Variants in KLHL34 observed in about 807,000 individuals in gnomAD.
KLHL34 encodes kelch like family member 34, also known as kelch-like protein 34.
Under a neutral mutation model 23.8 loss-of-function variants are expected in KLHL34, and 24 were observed. The observed-to-expected ratio is 1.01, with a 90% CI of 0.73 to 1.42. KLHL34 has a LOEUF of 1.42. Among genes scored for constraint, KLHL34 ranks in the 40% most tolerant of loss-of-function variants. KLHL34 has a pLI of 0.00. For missense variants in KLHL34, 652 were observed against 595.1 expected (o/e 1.10, Z -0.99); for synonymous variants, 303 against 287.9 (o/e 1.05, Z -0.53).
Position 21,656,335 on chromosome X carries a change from C to G in KLHL34, c.1454G>C (p.Arg485Thr). The G allele has an allele frequency of 9.2e-6, 11 of 1,193,321 alleles. No homozygotes were observed. The highest frequency in any genetic ancestry group is 1.2e-5 in the Non-Finnish European group (11 of 887,270). ...GAGGCTGCTCGCTCCGCCCTCGCCT[C>G]TCCCTGCCTTGCCCCCCGAGATGTA... ...VVYISGGKAG[R>T]GEGGASSLRD... Residue 485 changes from arginine to threonine, a missense_variant, in exon 1 of 1, where the codon AGA (arginine) becomes ACA (threonine). Arg to Thr is a moderately conservative substitution (Grantham distance 71, BLOSUM62 -1). Transcript: ENST00000379499.
Position 21,655,556 on chromosome X carries a change from C to A in KLHL34, c.*298G>T. 5.7e-6 allele frequency: 1 copy of A among 175,589 alleles called. No individual in the cohort carries two copies. Among genetic ancestry groups the A allele is most frequent in the East Asian group, 1.0e-4 (1 of 10,001 alleles). 14.5% of individuals were successfully genotyped at this position (175,589 alleles called of 1,213,427 possible). A position where few individuals can be genotyped will look rare whatever the true frequency, so the allele number is the denominator to read the frequency against. On this transcript the variant is annotated 3_prime_UTR_variant, in exon 1 of 1. Transcript: ENST00000379499. The stretch of plus-strand genomic sequence containing the variant: ...TTAACTGTAAGAGGGAAAATAAGGT[C>A]ATATTTTATTTGTGAAAGTCCTTCT...
Position 21,655,836 on chromosome X carries a change from G to T in KLHL34, c.*18C>A. On this transcript the variant is annotated 3_prime_UTR_variant, in exon 1 of 1. Coordinates refer to ENST00000379499, the MANE Select transcript of KLHL34 (RefSeq NM_153270.3). ...GCGACTTTCTCCTCCATTGCGGAAG[G>T]AAACCGGACTGACCCATTCAGCCCA... The T allele has an allele frequency of 8.7e-7, 1 of 1,147,418 alleles. No individual in the cohort carries two copies. 94.6% of individuals were successfully genotyped at this position (1,147,418 alleles called of 1,213,427 possible).
At position 21,655,535 on chromosome X, in the gene KLHL34, C is replaced by A. The variant is rs2092730622; in HGVS notation, c.*319G>T. On this transcript the variant is annotated 3_prime_UTR_variant, in exon 1 of 1. Transcript: ENST00000379499. The stretch of plus-strand genomic sequence containing the variant: ...TTTTGCACCTAGGGAAACACTTTAA[C>A]TGTAAGAGGGAAAATAAGGTCATAT... 2.8e-5 allele frequency: 3 copies of A among 107,744 alleles called. No homozygotes were observed. Among genetic ancestry groups the A allele is most frequent in the African/African-American group, 4.1e-5 (1 of 24,298 alleles). The allele number at this position is 107,744 out of a possible 1,213,427, so 8.9% of individuals were successfully genotyped here.
In KLHL34 at chrX:21,657,687, C is replaced by CT. The variant is rs1363196449; in HGVS notation, c.101dup (p.Thr35AspfsTer18). 1 of 1,206,166 alleles carries CT rather than the reference C, an allele frequency of 8.3e-7. No individual in the cohort carries two copies. The highest frequency in any genetic ancestry group is 2.2e-5 in the Admixed American group (1 of 46,046). The stretch of plus-strand genomic sequence containing the variant: ...GCGCCGGGAATTCGCTGCCCTCGGT[C>CT]TCCAGTGTCACGTCGCACAGGAAGC... On this transcript the variant is annotated frameshift_variant, in exon 1 of 1. Coordinates refer to ENST00000379499, the MANE Select transcript of KLHL34 (RefSeq NM_153270.3). LOFTEE classifies it high-confidence loss of function.
rs766284824 is a variant in KLHL34 at position 21,657,449 on chromosome X, C to A, written c.340G>T (p.Ala114Ser). 1 of 1,204,444 alleles carries A rather than the reference C, an allele frequency of 8.3e-7. No individual in the cohort carries two copies. Among genetic ancestry groups the A allele is most frequent in the African/African-American group, 1.7e-5 (1 of 57,492 alleles). The stretch of plus-strand genomic sequence containing the variant: ...AAGTAGCGCCCACAGAGCCCCAGGG[C>A]CTCAGTGACCTGCAGGTAGCTGGCG... ...EAASYLQVTE[A>S]LGLCGRYLER... Residue 114 changes from alanine to serine, a missense_variant, in exon 1 of 1, where the codon GCC becomes TCC. Coordinates refer to ENST00000379499, the MANE Select transcript of KLHL34 (RefSeq NM_153270.3).
rs1030757936 is a variant in KLHL34, at chrX:21,657,120, G to A, written c.669C>T (p.Val223=). ...CGTCGGCGGGAACCAGGCCAAAGCGGACACGCTCCAGCAACTCTGTACAGT... is the reference window on the plus strand; with the variant it reads ...CGTCGGCGGGAACCAGGCCAAAGCGAACACGCTCCAGCAACTCTGTACAGT... ...LAHCTELLER[V]RFGLVPADVL... Residue 223 remains valine, a synonymous_variant, in exon 1 of 1, where the codon GTC becomes GTT. Transcript: ENST00000379499. 1.7e-6 allele frequency: 2 copies of A among 1,206,920 alleles called. No individual in the cohort carries two copies. The highest frequency in any genetic ancestry group is 1.1e-6 in the Non-Finnish European group (1 of 894,303).
Position 21,656,485 on chromosome X carries a change from G to A in KLHL34, c.1304C>T (p.Ala435Val), listed in dbSNP as rs201941009. 329 of 1,195,124 alleles carry A rather than the reference G, an allele frequency of 2.8e-4. 1 individual carries two copies. In the African/African-American group the frequency reaches 5.4e-3, roughly 20 times the overall value. ...ERLLAVGGLG[A>V]GGEVLASVEM... ...CACCGAGGCCAGCACCTCACCGCCCGCACCCAGGCCCCCGACGGCCAGGAG... is the reference window on the plus strand; with the variant it reads ...CACCGAGGCCAGCACCTCACCGCCCACACCCAGGCCCCCGACGGCCAGGAG... Residue 435 changes from alanine (A) to valine (V), a missense_variant, in exon 1 of 1, where the codon GCG becomes GTG. Coordinates refer to ENST00000379499, the MANE Select transcript of KLHL34 (RefSeq NM_153270.3).
At position 21,655,902 on chromosome X, in the gene KLHL34, G is replaced by A. The variant is rs142552568; in HGVS notation, c.1887C>T (p.Asp629=). Residue 629 remains aspartate, a synonymous_variant, in exon 1 of 1, where the codon GAC becomes GAT. Transcript: ENST00000379499. ...AVLQLAEGGD[D]EREGEVGEAL... is the part of the protein sequence containing the mutation. ...CCTCTCCAACCTCTCCCTCCCTCTC[G>A]TCGTCCCCACCCTCGGCCAGCTGCA... The A allele has an allele frequency of 1.1e-3, 1,359 of 1,203,897 alleles. 2 individuals are homozygous for A. The highest frequency in any genetic ancestry group is 1.3e-3 in the Non-Finnish European group (1,132 of 891,779).
At position 21,655,404 on chromosome X, in the gene KLHL34, T is replaced by G. The variant is rs2147352573; in HGVS notation, c.*450A>C. ...ATAATGCCATCTCCTAGGACTTAAT[T>G]ACAGCCTTTATAGCCAACAATTTTC... On this transcript the variant is annotated 3_prime_UTR_variant, in exon 1 of 1. Transcript: ENST00000379499. 1 of 114,036 alleles carries G rather than the reference T, an allele frequency of 8.8e-6. No individual in the cohort carries two copies. The highest frequency in any genetic ancestry group is 3.9e-4 in the South Asian group (1 of 2,542). 9.4% of individuals were successfully genotyped at this position (114,036 alleles called of 1,213,427 possible).
At position 21,657,567 on chromosome X, in the gene KLHL34, C is replaced by T. The variant is rs1438185885; in HGVS notation, c.222G>A (p.Val74=). The T allele has an allele frequency of 8.3e-7, 1 of 1,211,306 alleles. No individual in the cohort carries two copies. The highest frequency in any genetic ancestry group is 3.0e-5 in the East Asian group (1 of 33,828). The change falls in exon 1 of 1, where the codon GTG becomes GTA. Residue 74 remains valine (V), a synonymous_variant. Transcript: ENST00000379499. ...ESRARVIHLH[V]PSAAGLQRLL... is the part of the protein sequence containing the mutation. Reference sequence around the variant, plus strand: ...GGCGCTGCAGGCCGGCTGCCGATGGCACGTGCAGGTGGATCACGCGCGCCC... The same window carrying T: ...GGCGCTGCAGGCCGGCTGCCGATGGTACGTGCAGGTGGATCACGCGCGCCC...
Position 21,657,380 on chromosome X carries a change from C to G in KLHL34, c.409G>C (p.Val137Leu). The G allele has an allele frequency of 1.7e-6, 2 of 1,167,907 alleles. No homozygotes were observed. Among genetic ancestry groups the G allele is most frequent in the Non-Finnish European group, 2.3e-6 (2 of 872,914 alleles). ...APENCCFAANVAARFGLAHTL... is the reference protein window; with the variant it reads ...APENCCFAANLAARFGLAHTL... ...TGAGCCAGGCCAAAGCGCGCTGCCA[C>G]GTTGGCGGCGAAGCAGCAGTTCTCT... The change falls in exon 1 of 1, where the codon GTG becomes CTG. Residue 137 changes from valine (V) to leucine (L), a missense_variant. Transcript: ENST00000379499.
chrX:21,655,755 C>T lies in KLHL34; in HGVS notation c.*99G>A. On this transcript the variant is annotated 3_prime_UTR_variant, in exon 1 of 1. Transcript: ENST00000379499. ...GTTAACCTTCAGAAGCCACTCTGCT[C>T]CCAGAATCCCTTTCTTAGAAAAAGC... 9.3e-7 allele frequency: 1 copy of T among 1,076,023 alleles called. No homozygotes were observed. The highest frequency in any genetic ancestry group is 1.2e-6 in the Non-Finnish European group (1 of 828,574). The allele number at this position is 1,076,023 out of a possible 1,213,427, so 88.7% of individuals were successfully genotyped here.
rs2092734106 is a variant in KLHL34 at position 21,656,962 on chromosome X, C to T, written c.827G>A (p.Arg276Gln). ...CAACAAGATGCGGGTCTGGGGGCTC[C>T]GGATGCTGGTCTGCTCGCCCTGCAT... ...PLMQGEQTSIRSPQTRILLVG... is the reference protein window; with the variant it reads ...PLMQGEQTSIQSPQTRILLVG... Residue 276 changes from arginine (R) to glutamine (Q), a missense_variant, in exon 1 of 1, where the codon CGG (arginine) becomes CAG (glutamine). By Grantham distance (43) the Arg-to-Gln change is conservative (BLOSUM62 1). Transcript: ENST00000379499. 2 of 1,158,714 alleles carry T rather than the reference C, an allele frequency of 1.7e-6. No individual in the cohort carries two copies. The highest frequency in any genetic ancestry group is 4.1e-5 in the South Asian group (2 of 49,089).
chrX:21,657,140 TAC>T lies in KLHL34; in HGVS notation c.647_648del (p.Cys216TyrfsTer80). The T allele has an allele frequency of 8.3e-7, 1 of 1,206,399 alleles. No individual in the cohort carries two copies. ...QEPTTERLAH[C>X]TELLERVRFG... ...AAGCGGACACGCTCCAGCAACTCTG[TAC>T]AGTGTGCCAGGCGCTCAGTTGTGGG... On this transcript the variant is annotated frameshift_variant, in exon 1 of 1. Coordinates refer to ENST00000379499, the MANE Select transcript of KLHL34 (RefSeq NM_153270.3). LOFTEE classifies it high-confidence loss of function.
chrX:21,656,330 C>G lies in KLHL34; in HGVS notation c.1459G>C (p.Glu487Gln), dbSNP rs1304898748. 7 of 1,192,881 alleles carry G rather than the reference C, an allele frequency of 5.9e-6. No individual in the cohort carries two copies. The highest frequency in any genetic ancestry group is 1.1e-6 in the Non-Finnish European group (1 of 886,938). The change falls in exon 1 of 1, where the codon GAG becomes CAG. Residue 487 changes from glutamate (E) to glutamine (Q), a missense_variant. Glu to Gln is a conservative substitution (Grantham distance 29). Coordinates refer to ENST00000379499, the MANE Select transcript of KLHL34 (RefSeq NM_153270.3). The part of the protein sequence containing the change: ...YISGGKAGRG[E>Q]GGASSLRDLY... The stretch of plus-strand genomic sequence containing the variant: ...TCCCGGAGGCTGCTCGCTCCGCCCT[C>G]GCCTCTCCCTGCCTTGCCCCCCGAG...
rs777172787 is a variant in KLHL34, at chrX:21,657,744, C to A, written c.45G>T (p.Leu15=). The A allele has an allele frequency of 1.2e-4, 144 of 1,198,494 alleles. No homozygotes were observed. The highest frequency in any genetic ancestry group is 1.5e-4 in the Non-Finnish European group (132 of 891,219). ...CGCGCAGGGCCTGGTAGCCGGTGAG[C>A]AGCGCGCCGCCATGAGCTTTGCAGT... The part of the protein sequence containing the change: ...LSYCKAHGGA[L]LTGYQALRAE... Residue 15 remains leucine, a synonymous_variant, in exon 1 of 1, where the codon CTG becomes CTT. Coordinates refer to ENST00000379499, the MANE Select transcript of KLHL34 (RefSeq NM_153270.3).
Position 21,657,741 on chromosome X carries a change from G to A in KLHL34, c.48C>T (p.Leu16=). 8.3e-7 allele frequency: 1 copy of A among 1,201,503 alleles called. No individual in the cohort carries two copies. Among genetic ancestry groups the A allele is most frequent in the South Asian group, 1.8e-5 (1 of 55,794 alleles). ...SYCKAHGGAL[L]TGYQALRAEG... ...CGGCGCGCAGGGCCTGGTAGCCGGT[G>A]AGCAGCGCGCCGCCATGAGCTTTGC... The change falls in exon 1 of 1, where the codon CTC becomes CTT. Residue 16 remains leucine (L), a synonymous_variant. Transcript: ENST00000379499.
In KLHL34 at chrX:21,655,797, A is replaced by G. The variant is rs1226685165; in HGVS notation, c.*57T>C. ...AGAAAAAGCCCATCCGTTGCTCTGT[A>G]AGACTAACCAAGCGCGACTTTCTCC... On this transcript the variant is annotated 3_prime_UTR_variant, in exon 1 of 1. Coordinates refer to ENST00000379499, the MANE Select transcript of KLHL34 (RefSeq NM_153270.3). The G allele has an allele frequency of 5.4e-6, 6 of 1,117,715 alleles. No individual in the cohort carries two copies. Among genetic ancestry groups the G allele is most frequent in the Non-Finnish European group, 7.1e-6 (6 of 849,458 alleles). 92.1% of individuals were successfully genotyped at this position (1,117,715 alleles called of 1,213,427 possible).
chrX:21,657,961 A>G lies in KLHL34; in HGVS notation c.-173T>C. On this transcript the variant is annotated 5_prime_UTR_variant, in exon 1 of 1. Coordinates refer to ENST00000379499, the MANE Select transcript of KLHL34 (RefSeq NM_153270.3). ...AGGGCTCCTTCATCCAGACCTGCAG[A>G]TCGCCCAGTGCCCCTCTCAGAGCAA... 1.4e-6 allele frequency: 1 copy of G among 726,683 alleles called. No homozygotes were observed. Among genetic ancestry groups the G allele is most frequent in the Non-Finnish European group, 1.9e-6 (1 of 517,073 alleles). The allele number at this position is 726,683 out of a possible 1,213,427, so 59.9% of individuals were successfully genotyped here.
Sources: allele counts gnomAD v4.1 joint callset, GRCh38; gene constraint gnomAD v4.1.1; transcripts MANE v1.5; gene names NCBI Gene and HGNC (gene_info 2026-07-23, HGNC 2026-07-21).